Variants in HSF1 observed in about 807,000 individuals in gnomAD.
HSF1 encodes heat shock factor protein 1.
HSF1 carries 32 observed loss-of-function variants against 51.7 expected under a neutral mutation model. The observed-to-expected ratio is 0.62, with a 90% confidence interval of 0.47 to 0.83. HSF1 has a LOEUF of 0.83. HSF1 is among the 40% of genes least tolerant of loss of function. The pLI is 0.00. For missense variants in HSF1, 727 were observed against 717.0 expected (o/e 1.01, Z -0.16); for synonymous variants, 396 against 309.7 (o/e 1.28, Z -2.92).
At chr8:144,294,034 T>C (rs1014295378) in intron 1 of HSF1, among the ~76,000 whole-genome samples, 2 of 151,864 alleles carry the variant, frequency 1.3e-5, no homozygotes, top group South Asian at 2.1e-4. Flanking sequence ...GCACCACCTG[T>C]GGATCTGTTC....
chr8:144,313,994 C>G lies in HSF1; in HGVS notation c.1324C>G (p.Leu442Val). ...CGTCTCCACCCCACAGATCCAAGAG[C>G]TCCTGTCTCCCCAGGAGCCCCCCAG... The part of the protein sequence containing the change: ...LDSSLASIQE[L>V]LSPQEPPRPP... The change falls in exon 12 of 13, where the codon CTC becomes GTC. Residue 442 changes from leucine (L) to valine (V), a missense_variant. Physicochemically the swap from Leu to Val is conservative, Grantham distance 32. Coordinates refer to ENST00000528838, the MANE Select transcript of HSF1 (RefSeq NM_005526.4). 6.2e-7 allele frequency: 1 copy of G among 1,611,360 alleles called. No individual in the cohort carries two copies. Among genetic ancestry groups the G allele is most frequent in the Non-Finnish European group, 8.5e-7 (1 of 1,179,502 alleles).
intron 4 of HSF1, 86 bp from the exon 5 acceptor site, chr8:144,311,088 A>G (rs749492818): frequency 5.5e-5 from 69 of 1,259,072 alleles, no homozygotes; most frequent in Non-Finnish European, 7.7e-5. Context: ...CTGCTCCTGC[A>G]TGGGGGACAG....
chr8:144,310,087 G>C, intron 4 of HSF1, 191 bp downstream of exon 4: 1 of 638,522 alleles, frequency 1.6e-6, no homozygotes, highest in East Asian at 2.8e-5. Context: ...GGGGCCAGCC[G>C]TTTTCCATGT....
chr8:144,299,478 T>C (rs1419645410), intron 1 of HSF1, among the ~76,000 whole-genome samples: 2 of 150,136 alleles, frequency 1.3e-5, no homozygotes, highest in Admixed American at 6.6e-5. Context: ...TAATCAGTCA[T>C]GGGCAGACAA....
chr8:144,311,429 G>A (rs1227846592), intron 6 of HSF1, 47 bp downstream of exon 6: 4 of 1,612,456 alleles, frequency 2.5e-6, no homozygotes, highest in Non-Finnish European at 3.4e-6. Flanking sequence ...GCCCAGGGCT[G>A]TCCCCCTTCT....
At chr8:144,308,163 G>A (rs1166686967) in intron 1 of HSF1, among the ~76,000 whole-genome samples, 4 of 152,132 alleles carry the variant, frequency 2.6e-5, no homozygotes, top group Non-Finnish European at 5.9e-5. Context: ...CCCTTCCTAT[G>A]CAGACACCCC....
intron 1 of HSF1, among the ~76,000 whole-genome samples, chr8:144,300,886 C>G (rs1815818939): frequency 6.6e-6 from 1 of 152,042 alleles, no homozygotes; most frequent in South Asian, 2.1e-4. Flanking sequence ...ATGGGGGACA[C>G]TGGTGTAGGG....
At chr8:144,300,193 C>T (rs187714018) in intron 1 of HSF1, among the ~76,000 whole-genome samples, 24 of 146,782 alleles carry the variant, frequency 1.6e-4, no homozygotes, top group African/African-American at 5.8e-4. Context: ...CAGTGACATG[C>T]GTATCACTGT....
rs1554843915 is a variant in HSF1 at position 144,309,602 on chromosome 8, G to T, written c.363+11G>T. 6.2e-7 allele frequency: 1 copy of T among 1,613,372 alleles called. No homozygotes were observed. The highest frequency in any genetic ancestry group is 1.1e-5 in the South Asian group (1 of 91,074). On this transcript the variant is annotated intron_variant, in intron 3 of 12. Coordinates refer to ENST00000528838, the MANE Select transcript of HSF1 (RefSeq NM_005526.4). ...AGGAAAGTGACCAGTGTGAGTGCCG[G>T]CCCTGCACCCTTGCCCGGTCTCACC... is the stretch of plus-strand genomic sequence containing the variant.
At chr8:144,310,107 G>A (rs1407630099) in intron 4 of HSF1, 2 of 585,472 alleles carry the variant, frequency 3.4e-6, no homozygotes, top group South Asian at 2.2e-5. Context: ...TGCAGAAGGG[G>A]GTTGGGAGGG....
chr8:144,294,171 G>A (rs1469321488), intron 1 of HSF1, among the ~76,000 whole-genome samples: 5 of 152,140 alleles, frequency 3.3e-5, no homozygotes, highest in Admixed American at 2.6e-4. Context: ...CAGAAACACT[G>A]ACTTAAAACT....
chr8:144,314,178 T>C lies in HSF1; in HGVS notation c.1438T>C (p.Ser480Pro). 6.5e-7 allele frequency: 1 copy of C among 1,544,092 alleles called. No individual in the cohort carries two copies. Among genetic ancestry groups the C allele is most frequent in the South Asian group, 1.2e-5 (1 of 83,804 alleles). The stretch of plus-strand genomic sequence containing the variant: ...GCCGCTGTTCCTGCTGGACCCCGGC[T>C]CCGTGGACACCGGGAGCAACGACCT... ...AQPLFLLDPG[S>P]VDTGSNDLPV... Residue 480 changes from serine (S) to proline (P), a missense_variant, in exon 13 of 13, where the codon TCC becomes CCC. Transcript: ENST00000528838.
Position 144,311,750 on chromosome 8 carries a change from G to A in HSF1, c.774G>A (p.Val258=). 2 of 1,612,858 alleles carry A rather than the reference G, an allele frequency of 1.2e-6. No individual in the cohort carries two copies. Among genetic ancestry groups the A allele is most frequent in the Non-Finnish European group, 1.7e-6 (2 of 1,179,754 alleles). Residue 258 remains valine, a synonymous_variant, in exon 8 of 13, where the codon GTG becomes GTA. Coordinates refer to ENST00000528838, the MANE Select transcript of HSF1 (RefSeq NM_005526.4). ...SSSSLYAPDA[V]ASSGPIISDI... is the part of the protein sequence containing the mutation. ...CCAGCCTCTACGCCCCTGATGCTGT[G>A]GCCAGCTCTGGACCCATCATCTCCG...
Position 144,314,587 on chromosome 8 carries a change from T to C in HSF1, c.*257T>C, listed in dbSNP as rs1554846406. On this transcript the variant is annotated 3_prime_UTR_variant, in exon 13 of 13. Coordinates refer to ENST00000528838, the MANE Select transcript of HSF1 (RefSeq NM_005526.4). ...ACACCTGGACTGACCCTGCAGGTTG[T>C]TCATAGTCAGAATTGTATTTTGGAT... The C allele has an allele frequency of 3.7e-6, 2 of 547,314 alleles. No individual in the cohort carries two copies. The highest frequency in any genetic ancestry group is 2.9e-5 in the East Asian group (1 of 34,502). The allele number at this position is 547,314 out of a possible 1,614,324, so 33.9% of individuals were successfully genotyped here.
At chr8:144,292,516 C>A (rs1018293275) in intron 1 of HSF1, 1 of 152,282 alleles carries the variant, frequency 6.6e-6, no homozygotes, top group Non-Finnish European at 1.5e-5. Flanking sequence ...CATGGTCCGA[C>A]CCTGCAAGAC....
At position 144,297,788 on chromosome 8, in the gene HSF1, C is replaced by A. The variant is rs1438959557; in HGVS notation, c.117+5914C>A. Among the ~76,000 whole-genome samples the A allele has an allele frequency of 6.6e-6, 1 of 152,220 alleles. No homozygotes were observed. Among genetic ancestry groups the A allele is most frequent in the Non-Finnish European group, 1.5e-5 (1 of 68,042 alleles). ...GCTTTGACTTGGCAGGAGGCTGGAA[C>A]AAGAGGCTTGTGGCCTGGGCTGTGG... On this transcript the variant is annotated intron_variant, in intron 1 of 12. Coordinates refer to ENST00000528838, the MANE Select transcript of HSF1 (RefSeq NM_005526.4). The surrounding 1 kb of genome is among the most constrained non-coding windows in gnomAD (Gnocchi z 4.6).
At chr8:144,301,904 G>A (rs536648470) in intron 1 of HSF1, among the ~76,000 whole-genome samples, 33 of 150,198 alleles carry the variant, frequency 2.2e-4, no homozygotes, top group Admixed American at 9.3e-4. Context: ...GTGCACGGTG[G>A]TGGTGCCTGT....
rs1309530108 is a variant in HSF1 at position 144,313,734 on chromosome 8, CCG to C, written c.1249-108_1249-107del. The C allele has an allele frequency of 1.6e-3, 128 of 82,506 alleles. 7 individuals carry two copies. The African/African-American group carries it at 0.031, about 20-fold the overall frequency. The allele number at this position is 82,506 out of a possible 1,614,324, so 5.1% of individuals were successfully genotyped here. On this transcript the variant is annotated intron_variant, in intron 10 of 12. Transcript: ENST00000528838. ...CGCCCCGCCTCCCCGCCCCGCCTCCCCGCGCCTCCCCGCCTCCCCGCCCCGCC... is the reference window on the plus strand; with the variant it reads ...CGCCCCGCCTCCCCGCCCCGCCTCCCCGCCTCCCCGCCTCCCCGCCCCGCC...
At chr8:144,301,555 T>C (rs7386615) in intron 1 of HSF1, among the ~76,000 whole-genome samples, 80,499 of 152,046 alleles carry the variant, frequency 0.53, 21,580 homozygotes, top group Admixed American at 0.65. Flanking sequence ...AACAGGCTGG[T>C]GAAGAGAAAA....
Sources: gnomAD v4.1 joint callset for allele counts (sites outside exome capture counted in the v4.1 genomes callset) on GRCh38, gnomAD v4.1.1 for gene constraint, Gnocchi (gnomAD v3.1) non-coding constraint, MANE v1.5 for transcripts, NCBI Gene and HGNC (gene_info 2026-07-23, HGNC 2026-07-21) for gene names.